The following ERGIC1 variants were observed in gnomAD, a reference collection of about 807,000 sequenced individuals.
ERGIC1 encodes the protein endoplasmic reticulum-golgi intermediate compartment 1.
ERGIC1 carries 19 observed loss-of-function variants against 38.3 expected under a neutral mutation model. The observed-to-expected ratio is 0.50, with a 90% CI of 0.35 to 0.73. The LOEUF is 0.73. Ranked by LOEUF, ERGIC1 falls within the 30% of genes least tolerant of loss-of-function variation. The pLI is 0.01. For synonymous variants in ERGIC1, 124 were observed against 157.6 expected (o/e 0.79, Z 1.60); for missense variants, 294 against 389.2 (o/e 0.76, Z 2.06).
At chr5:172,942,991 G>A (rs1764045183) in intron 9 of ERGIC1, among the ~76,000 whole-genome samples, 1 of 152,164 alleles carries the variant, frequency 6.6e-6, no homozygotes, top group African/African-American at 2.4e-5. Flanking sequence ...TGGGAATGAG[G>A]GCAGGTGGGC....
chr5:172,916,447 G>T (rs1454787013), intron 5 of ERGIC1: 1 of 152,194 alleles, frequency 6.6e-6, no homozygotes, highest in Non-Finnish European at 1.5e-5. Context: ...TTTGAACAGG[G>T]AGGCAATGTA....
chr5:172,919,531 G>A (rs1379230406), intron 5 of ERGIC1, among the ~76,000 whole-genome samples: 2 of 152,200 alleles, frequency 1.3e-5, no homozygotes, highest in Non-Finnish European at 2.9e-5. Context: ...GCCAGCTCTG[G>A]GTGAACTTGT....
At chr5:172,947,247 C>T (rs990190541) in intron 9 of ERGIC1, among the ~76,000 whole-genome samples, 3 of 151,790 alleles carry the variant, frequency 2.0e-5, no homozygotes, top group African/African-American at 4.8e-5. Flanking sequence ...TGCAGTGGTG[C>T]AATCATAGCT....
intron 1 of ERGIC1, among the ~76,000 whole-genome samples, chr5:172,868,168 T>G (rs1561709440): frequency 6.6e-6 from 1 of 152,262 alleles, no homozygotes; most frequent in African/African-American, 2.4e-5. Context: ...TTACATGCGT[T>G]TCTGCATTTA....
intron 2 of ERGIC1, among the ~76,000 whole-genome samples, chr5:172,889,545 C>T (rs1454064447): frequency 6.6e-6 from 1 of 152,086 alleles, no homozygotes; most frequent in Non-Finnish European, 1.5e-5. Flanking sequence ...TGCCTGGTGT[C>T]AGCAGGACCT....
At chr5:172,950,607 G>A in intron 9 of ERGIC1, 102 bp from the exon 10 acceptor site, 4 of 1,004,744 alleles carry the variant, frequency 4.0e-6, no homozygotes, top group Admixed American at 4.3e-5. Flanking sequence ...GGCAATGTCT[G>A]CCTTGCAGAG....
intron 1 of ERGIC1, among the ~76,000 whole-genome samples, chr5:172,847,279 C>T (rs374051166): frequency 6.6e-6 from 1 of 152,148 alleles, no homozygotes; most frequent in Non-Finnish European, 1.5e-5. Flanking sequence ...CTTCTGCTCA[C>T]ACTCCTTTGT....
At chr5:172,908,613 G>T (rs1763118373) in intron 3 of ERGIC1, among the ~76,000 whole-genome samples, 1 of 152,008 alleles carries the variant, frequency 6.6e-6, no homozygotes, top group African/African-American at 2.4e-5. Context: ...GTCAGAGAAG[G>T]GGGAAGCTGC....
chr5:172,881,473 G>C (rs1336317954), intron 1 of ERGIC1, among the ~76,000 whole-genome samples: 1 of 152,176 alleles, frequency 6.6e-6, no homozygotes, highest in Non-Finnish European at 1.5e-5. Context: ...GGAAAGGTCT[G>C]GGACCTGCCC....
intron 9 of ERGIC1, among the ~76,000 whole-genome samples, chr5:172,940,090 C>T (rs1372061171): frequency 6.7e-6 from 1 of 148,780 alleles, no homozygotes; most frequent in Non-Finnish European, 1.5e-5. Context: ...GTGGCGGCTG[C>T]GGGGCTGGGA....
intron 2 of ERGIC1, among the ~76,000 whole-genome samples, chr5:172,893,584 G>A (rs1353489601): frequency 1.3e-5 from 2 of 151,942 alleles, no homozygotes; most frequent in Non-Finnish European, 2.9e-5. Context: ...CCAAAGCAAG[G>A]ATGTTTTGCC....
chr5:172,898,132 C>G, intron 3 of ERGIC1: 1 of 376,180 alleles, frequency 2.7e-6, no homozygotes, highest in Non-Finnish European at 4.7e-6. Flanking sequence ...CACCCACTCT[C>G]CTGCTCAACA....
chr5:172,922,766 G>A (rs1348569035), intron 5 of ERGIC1, among the ~76,000 whole-genome samples: 1 of 152,248 alleles, frequency 6.6e-6, no homozygotes, highest in African/African-American at 2.4e-5. Flanking sequence ...TGGACTCTGA[G>A]AGAATAGAAG....
chr5:172,885,532 A>G (rs1054209142), intron 1 of ERGIC1, among the ~76,000 whole-genome samples: 1 of 152,048 alleles, frequency 6.6e-6, no homozygotes, highest in Non-Finnish European at 1.5e-5. Context: ...TGGGGTATCG[A>G]GCCCCAGGAC....
chr5:172,941,568 A>C (rs73327065), intron 9 of ERGIC1, among the ~76,000 whole-genome samples: 8,739 of 152,166 alleles, frequency 0.057, 829 homozygotes, highest in African/African-American at 0.2. Flanking sequence ...TATCTTCCAA[A>C]ACAAGGGCTG....
chr5:172,931,858 T>TTTTC (rs1763782881), intron 7 of ERGIC1, among the ~76,000 whole-genome samples: 1 of 21,884 alleles, frequency 4.6e-5, no homozygotes, highest in East Asian at 4.0e-4. Flanking sequence ...GCACCCACAC[T>TTTTC]TTTTTTTTTT....
chr5:172,873,342 G>A (rs1017309266), intron 1 of ERGIC1, among the ~76,000 whole-genome samples: 7 of 152,180 alleles, frequency 4.6e-5, no homozygotes, highest in East Asian at 1.9e-4. Context: ...CCTGACTCCC[G>A]GCCAAGCCCT....
chr5:172,935,636 T>G (rs1036553408), intron 9 of ERGIC1: 1 of 256,328 alleles, frequency 3.9e-6, no homozygotes, highest in Non-Finnish European at 7.6e-6. Context: ...TGGAAATTAT[T>G]CTTAGCAGAG....
chr5:172,885,706 T>TCCTGCTGCCTCGCTA (rs11283857), intron 1 of ERGIC1, among the ~76,000 whole-genome samples: 26,630 of 151,810 alleles, frequency 0.18, 2,379 homozygotes, highest in Middle Eastern at 0.25. Flanking sequence ...TGCAGCCCTT[T>TCCTGCTGCCTCGCTA]CCTGCTGCTC....
Sources: allele counts gnomAD v4.1 joint callset (sites outside exome capture counted in the v4.1 genomes callset), GRCh38; gene constraint gnomAD v4.1.1; transcripts MANE v1.5; gene names NCBI Gene and HGNC (gene_info 2026-07-23, HGNC 2026-07-21).